Variants in BRI3BP observed in about 807,000 individuals in gnomAD.
BRI3BP encodes BRI3-binding protein.
BRI3BP carries 7 observed loss-of-function variants against 15.8 expected under a neutral mutation model. The observed-to-expected ratio is 0.44, with a 90% CI of 0.25 to 0.83. The LOEUF is 0.83. Ranked by LOEUF, BRI3BP falls within the 40% of genes least tolerant of loss-of-function variation. The pLI, the probability that BRI3BP is intolerant of heterozygous loss-of-function variation, is 0.20. For missense variants in BRI3BP, 320 were observed against 339.3 expected (o/e 0.94, Z 0.45); for synonymous variants, 192 against 163.5 (o/e 1.17, Z -1.33).
chr12:125,040,993 A>G, the BRI3BP span, among the ~76,000 whole-genome samples: 1 of 151,422 alleles, frequency 6.6e-6, no homozygotes, highest in Admixed American at 6.6e-5. Context: ...AGCCTCCCAA[A>G]GTGCTGGGAT....
At chr12:125,003,785 T>G (rs561706140) in intron 1 of BRI3BP, among the ~76,000 whole-genome samples, 1 of 152,110 alleles carries the variant, frequency 6.6e-6, no homozygotes, top group East Asian at 1.9e-4. Context: ...AAACCCCATC[T>G]CTACTAAAAA....
chr12:125,047,585 A>C, the BRI3BP span, among the ~76,000 whole-genome samples: 1 of 151,904 alleles, frequency 6.6e-6, no homozygotes, highest in Admixed American at 6.6e-5. Flanking sequence ...CATGTTGGCC[A>C]GGCTGGTCTG....
chr12:124,998,071 C>G (rs1256051561), intron 1 of BRI3BP, among the ~76,000 whole-genome samples: 2 of 149,654 alleles, frequency 1.3e-5, no homozygotes, highest in Non-Finnish European at 3.0e-5. Flanking sequence ...TTGCAGTGAG[C>G]CAAGATTGCA....
At chr12:125,034,208 A>G (rs11058005), downstream of BRI3BP, among the ~76,000 whole-genome samples, 42,972 of 151,256 alleles carry the variant, frequency 0.28, 6,481 homozygotes, top group African/African-American at 0.4. Flanking sequence ...CACCACACCC[A>G]GCTAATTTTG....
At chr12:125,011,467 T>C (rs1955195785) in intron 1 of BRI3BP, among the ~76,000 whole-genome samples, 1 of 152,172 alleles carries the variant, frequency 6.6e-6, no homozygotes, top group Admixed American at 6.6e-5. Context: ...TTAAAAAGGA[T>C]GAGGCAGCTC....
the BRI3BP span, among the ~76,000 whole-genome samples, chr12:125,042,021 A>G: frequency 6.6e-6 from 1 of 151,576 alleles, no homozygotes; most frequent in African/African-American, 2.4e-5. Context: ...AAAAACACAA[A>G]TAGCATCTAC....
chr12:125,007,292 G>C (rs955141568), intron 1 of BRI3BP, among the ~76,000 whole-genome samples: 4 of 152,116 alleles, frequency 2.6e-5, no homozygotes, highest in Non-Finnish European at 5.9e-5. Context: ...GATCACACCT[G>C]TAATCCCAGT....
chr12:125,031,461 T>C (rs1007577760), downstream of BRI3BP, among the ~76,000 whole-genome samples: 2 of 152,156 alleles, frequency 1.3e-5, no homozygotes, highest in Admixed American at 6.6e-5. Flanking sequence ...TAAGCAAGTT[T>C]CCTGTATTTT....
At chr12:125,034,836 C>T (rs1955432143), downstream of BRI3BP, among the ~76,000 whole-genome samples, 1 of 152,212 alleles carries the variant, frequency 6.6e-6, no homozygotes, top group East Asian at 1.9e-4. Context: ...ATTCTGCCCA[C>T]CTTGGCCTCC....
At chr12:125,042,743 G>T in the BRI3BP span, among the ~76,000 whole-genome samples, 27 of 152,116 alleles carry the variant, frequency 1.8e-4, no homozygotes, top group African/African-American at 6.5e-4. Context: ...CACCGTGTTG[G>T]CCAGGCTGGT....
intron 1 of BRI3BP, among the ~76,000 whole-genome samples, chr12:124,995,182 G>A (rs894956638): frequency 2.0e-5 from 3 of 152,180 alleles, no homozygotes; most frequent in Non-Finnish European, 4.4e-5. Context: ...GTGGGCAGGG[G>A]CACCTCTTGC....
intron 1 of BRI3BP, among the ~76,000 whole-genome samples, chr12:124,999,643 A>G (rs1427845746): frequency 6.7e-6 from 1 of 149,134 alleles, no homozygotes; most frequent in African/African-American, 2.5e-5. Context: ...CTTGAGACGG[A>G]GTCTCCCTCT....
At chr12:125,044,592 G>A in the BRI3BP span, among the ~76,000 whole-genome samples, 1 of 151,544 alleles carries the variant, frequency 6.6e-6, no homozygotes, top group Non-Finnish European at 1.5e-5. Flanking sequence ...TGGGATACAA[G>A]CATGCGCCAC....
intron 1 of BRI3BP, among the ~76,000 whole-genome samples, chr12:125,002,413 G>A (rs1234592967): frequency 1.3e-5 from 2 of 149,526 alleles, no homozygotes; most frequent in African/African-American, 2.4e-5. Flanking sequence ...ACGTGAAGTA[G>A]TATTGCTGTG....
In BRI3BP at chr12:124,993,856, G is replaced by T; in HGVS notation, c.66G>T (p.Leu22=). The part of the protein sequence containing the change: ...RAGLLLLLLL[L]LLLGLLAPGA... ...GGCTCCTGCTGCTGCTGCTGCTGCT[G>T]CTGCTGCTCGGGCTGCTGGCCCCGG... is the stretch of plus-strand genomic sequence containing the variant. Residue 22 remains leucine (L), a synonymous_variant, in exon 1 of 3, where the codon CTG becomes CTT. Transcript: ENST00000341446. 8.2e-7 allele frequency: 1 copy of T among 1,212,958 alleles called. No homozygotes were observed. The allele number at this position is 1,212,958 out of a possible 1,614,324, so 75.1% of individuals were successfully genotyped here. A position where few individuals can be genotyped will look rare whatever the true frequency, so the allele number is the denominator to read the frequency against.
intron 2 of BRI3BP, among the ~76,000 whole-genome samples, chr12:125,020,553 T>A (rs1003487993): frequency 2.5e-4 from 38 of 152,226 alleles, no homozygotes; most frequent in African/African-American, 8.9e-4. Context: ...TGTAATGGGT[T>A]GTTATTTGAA....
intron 2 of BRI3BP, among the ~76,000 whole-genome samples, chr12:125,018,976 G>C (rs7307306): frequency 6.6e-6 from 1 of 151,674 alleles, no homozygotes; most frequent in Non-Finnish European, 1.5e-5. Flanking sequence ...CTCCTGCCTC[G>C]GCCTCCTGAG....
At chr12:125,003,956 AACACACACACAC>A (rs202194939) in intron 1 of BRI3BP, among the ~76,000 whole-genome samples, 10 of 38,154 alleles carry the variant, frequency 2.6e-4, no homozygotes, top group Admixed American at 5.6e-4. Flanking sequence ...CCATCTCAAA[AACACACACACAC>A]ACACACACAC....
At chr12:125,043,138 C>T in the BRI3BP span, among the ~76,000 whole-genome samples, 5 of 151,906 alleles carry the variant, frequency 3.3e-5, no homozygotes, top group Admixed American at 6.6e-5. Context: ...CATTATTAGC[C>T]ATGGTGAAAT....
Sources: allele counts gnomAD v4.1 joint callset (sites outside exome capture counted in the v4.1 genomes callset), GRCh38; gene constraint gnomAD v4.1.1; transcripts MANE v1.5; gene names NCBI Gene and HGNC (gene_info 2026-07-23, HGNC 2026-07-21).